DNAH2: variants seen among roughly 807,000 people sequenced by gnomAD.
DNAH2 encodes dynein axonemal heavy chain 2.
In DNAH2, 323 loss-of-function variants were observed where a neutral mutation model predicts 523.5. The ratio of observed to expected loss-of-function variants is 0.62; its 90% CI spans 0.56 to 0.68. DNAH2 has a LOEUF of 0.68. Ranked by LOEUF, DNAH2 falls within the 30% of genes least tolerant of loss-of-function variation. The probability of loss-of-function intolerance (pLI) is 0.00; values close to 1 mark genes in which losing one functional copy is unlikely to be tolerated. For synonymous variants in DNAH2, 2,093 were observed against 2,177.4 expected (o/e 0.96, Z 1.08); for missense variants, 4,907 against 5,701.5 (o/e 0.86, Z 4.49).
rs1431567939 is a variant in DNAH2, at chr17:7,737,148, C to T, written c.1060C>T (p.Pro354Ser). The T allele has an allele frequency of 2.5e-6, 4 of 1,614,090 alleles. No individual in the cohort carries two copies. The South Asian group carries it at 4.4e-5, about 18-fold the overall frequency. Residue 354 changes from proline (P) to serine (S), a missense_variant, in exon 8 of 86, where the codon CCC (proline) becomes TCC (serine). Transcript: ENST00000572933. ...TTACCAGGAGTTGGCTTTCATGAAG[C>T]CCAAGGACATCTCTAGCAAGCTCCC... ...EPYQELAFMK[P>S]KDISSKLPKL... is the part of the protein sequence containing the mutation.
At chr17:7,752,384 T>C (rs2075710191) in intron 12 of DNAH2, among the ~76,000 whole-genome samples, 1 of 152,158 alleles carries the variant, frequency 6.6e-6, no homozygotes, top group African/African-American at 2.4e-5. Flanking sequence ...ATTTTTATTA[T>C]GAAACTTGTC....
chr17:7,782,786 C>T (rs140216380), intron 39 of DNAH2, among the ~76,000 whole-genome samples: 1 of 151,756 alleles, frequency 6.6e-6, no homozygotes, highest in Non-Finnish European at 1.5e-5. Context: ...GGTAACATAG[C>T]AAGACCTCCA....
At chr17:7,753,872 G>A (rs968341949) in intron 12 of DNAH2, among the ~76,000 whole-genome samples, 1 of 152,016 alleles carries the variant, frequency 6.6e-6, no homozygotes, top group Non-Finnish European at 1.5e-5. Context: ...CACTTAAACC[G>A]GGGAGGCAGA....
intron 3 of DNAH2, among the ~76,000 whole-genome samples, chr17:7,725,700 C>G (rs1469189620): frequency 8.3e-6 from 1 of 121,016 alleles, no homozygotes; most frequent in East Asian, 2.9e-4. Flanking sequence ...ACCCCCACTC[C>G]GGCCTCCTGA....
intron 63 of DNAH2, among the ~76,000 whole-genome samples, chr17:7,809,825 G>C (rs1055488060): frequency 6.7e-6 from 1 of 150,230 alleles, no homozygotes; most frequent in Non-Finnish European, 1.5e-5. Flanking sequence ...TGACGTTTAT[G>C]AGCCAAATGC....
At position 7,734,250 on chromosome 17, in the gene DNAH2, T is replaced by C; in HGVS notation, c.696T>C (p.Pro232=). The C allele has an allele frequency of 6.2e-7, 1 of 1,607,412 alleles. No individual in the cohort carries two copies. The highest frequency in any genetic ancestry group is 8.5e-7 in the Non-Finnish European group (1 of 1,176,816). ...CTGCAGAGGCCATGAACATGAAGCC[T>C]GAGATGGTGATAAAGGACAAAGAGC... ...YIPAEAMNMK[P]EMVIKDKELV... is the part of the protein sequence containing the mutation. The change falls in exon 6 of 86, where the codon CCT becomes CCC. Residue 232 remains proline (P), a synonymous_variant. Coordinates refer to ENST00000572933, the MANE Select transcript of DNAH2 (RefSeq NM_020877.5).
At chr17:7,797,915 C>T in intron 53 of DNAH2, 86 bp downstream of exon 53, 1 of 1,507,548 alleles carries the variant, frequency 6.6e-7, no homozygotes, top group Non-Finnish European at 8.9e-7. Flanking sequence ...CCCAGGTCTC[C>T]CAAATCAAGT....
chr17:7,772,087 G>A (rs1175843137), intron 28 of DNAH2, among the ~76,000 whole-genome samples: 1 of 152,108 alleles, frequency 6.6e-6, no homozygotes, highest in Admixed American at 6.6e-5. Flanking sequence ...GGAAGAAAGG[G>A]ATGAACACAC....
chr17:7,720,783 C>T (rs902595462), intron 2 of DNAH2, among the ~76,000 whole-genome samples: 4 of 152,074 alleles, frequency 2.6e-5, no homozygotes, highest in Admixed American at 6.6e-5. Flanking sequence ...TAGAAATGTG[C>T]AGAATGTATC....
chr17:7,780,013 A>G lies in DNAH2; in HGVS notation c.5723-144A>G. The G allele has an allele frequency of 9.1e-7, 1 of 1,104,398 alleles. No individual in the cohort carries two copies. The highest frequency in any genetic ancestry group is 1.3e-6 in the Non-Finnish European group (1 of 767,918). 68.4% of individuals were successfully genotyped at this position (1,104,398 alleles called of 1,614,324 possible). On this transcript the variant is annotated intron_variant, in intron 36 of 85. Coordinates refer to ENST00000572933, the MANE Select transcript of DNAH2 (RefSeq NM_020877.5). This position sits in a 1 kb window ranked among gnomAD's most constrained non-coding sequence, Gnocchi z 4.4. ...ACTGGGAAGGGCTGGGGCTGAGATG[A>G]GAAAGGATGTGGTCTTGGAGTTGGA...
chr17:7,739,606 TC>T, intron 8 of DNAH2, 126 bp from the exon 9 acceptor site: 1 of 898,170 alleles, frequency 1.1e-6, no homozygotes, highest in Non-Finnish European at 1.7e-6. Context: ...ATTTTCTTCT[TC>T]TTTTTTTTTT....
chr17:7,755,053 T>C (rs2075798926), intron 12 of DNAH2: 2 of 288,440 alleles, frequency 6.9e-6, no homozygotes, highest in Non-Finnish European at 1.3e-5. Flanking sequence ...ATGGGAGAAA[T>C]TGTAGCGTGG....
At position 7,804,483 on chromosome 17, in the gene DNAH2, C is replaced by G. The variant is rs375694095; in HGVS notation, c.9183+17C>G. On this transcript the variant is annotated intron_variant, in intron 59 of 85. Transcript: ENST00000572933. ...CAGCAGAAGGTCCAGGGCCCACGCC[C>G]ACCCCCCGTGCCCCACTCCCACCAG... 2.0e-5 allele frequency: 32 copies of G among 1,610,684 alleles called. 1 individual carries two copies. Among genetic ancestry groups the G allele is most frequent in the African/African-American group, 1.3e-4 (10 of 74,950 alleles).
Position 7,740,831 on chromosome 17 carries a change from A to T in DNAH2, c.1528A>T (p.Lys510Ter), listed in dbSNP as rs201013912. ...CTAGGCTATCAAGCGGACTTATGAC[A>T]AGAAGGCGGTGGATCTCTACATGCT... The part of the protein sequence containing the change: ...SREAIKRTYD[K>*]KAVDLYMLFN... The change falls in exon 11 of 86, where the codon AAG becomes TAG. Residue 510 changes from lysine (K) to a stop codon, truncating the protein, a stop_gained. Coordinates refer to ENST00000572933, the MANE Select transcript of DNAH2 (RefSeq NM_020877.5). LOFTEE classifies it high-confidence loss of function. 80 of 1,609,806 alleles carry T rather than the reference A, an allele frequency of 5.0e-5. No individual in the cohort carries two copies. Among genetic ancestry groups the T allele is most frequent in the Non-Finnish European group, 6.2e-5 (73 of 1,176,466 alleles).
At chr17:7,795,131 G>C (rs988963284) in intron 49 of DNAH2, among the ~76,000 whole-genome samples, 2 of 152,084 alleles carry the variant, frequency 1.3e-5, no homozygotes, top group African/African-American at 4.8e-5. Context: ...AACAGGGAAG[G>C]TATTGAGGCT....
In DNAH2 at chr17:7,821,423, G is replaced by A. The variant is rs1201763601; in HGVS notation, c.11142+54G>A. The A allele has an allele frequency of 2.5e-6, 4 of 1,572,206 alleles. No individual in the cohort carries two copies. In the African/African-American group the frequency reaches 4.1e-5, roughly 16 times the overall value. On this transcript the variant is annotated intron_variant, in intron 73 of 85. Transcript: ENST00000572933. The surrounding 1 kb of genome is among the most constrained non-coding windows in gnomAD (Gnocchi z 5.0). Reference sequence around the variant, plus strand: ...ATGGGATGGTCAAGGTTGGGGATGAGGGCAAGTGTGACAAGGACTCCAGAC... The same window carrying A: ...ATGGGATGGTCAAGGTTGGGGATGAAGGCAAGTGTGACAAGGACTCCAGAC...
intron 12 of DNAH2, 183 bp downstream of exon 12, chr17:7,743,325 G>T: frequency 1.4e-6 from 1 of 725,520 alleles, no homozygotes; most frequent in Non-Finnish European, 2.5e-6. Flanking sequence ...CTCCCACCCT[G>T]CTATCAACAT....
In DNAH2 at chr17:7,740,433, A is replaced by G. The variant is rs773371625; in HGVS notation, c.1390A>G (p.Ile464Val). The G allele has an allele frequency of 6.2e-7, 1 of 1,614,188 alleles. No individual in the cohort carries two copies. The highest frequency in any genetic ancestry group is 1.1e-5 in the South Asian group (1 of 91,088). The change falls in exon 10 of 86, where the codon ATC becomes GTC. Residue 464 changes from isoleucine (I) to valine (V), a missense_variant. Ile to Val is a conservative substitution (Grantham distance 29). Transcript: ENST00000572933. ...CCACCGGTGCAGGTTCCGTGCCGGA[A>G]TCAAGGACCTGGAGGTGATGACCCA... ...HEDYNKFRAG[I>V]KDLEVMTQNL...
At chr17:7,729,513 C>A (rs2074925270) in intron 4 of DNAH2, among the ~76,000 whole-genome samples, 1 of 152,166 alleles carries the variant, frequency 6.6e-6, no homozygotes, top group East Asian at 1.9e-4. Context: ...TCACTGCAAC[C>A]TCTGCCTTCT....
Sources: allele counts gnomAD v4.1 joint callset (sites outside exome capture counted in the v4.1 genomes callset), GRCh38; gene constraint gnomAD v4.1.1; non-coding constraint Gnocchi (gnomAD v3.1); transcripts MANE v1.5; gene names NCBI Gene and HGNC (gene_info 2026-07-23, HGNC 2026-07-21).